Variants in RYR3 observed in about 807,000 individuals in gnomAD.
RYR3 encodes the protein brain ryanodine receptor-calcium release channel.
RYR3 carries 207 observed loss-of-function variants against 584.3 expected under a neutral mutation model. The ratio of observed to expected loss-of-function variants is 0.35; its 90% CI spans 0.32 to 0.40. The LOEUF (loss-of-function observed/expected upper bound fraction) is 0.40, where lower values mean the gene tolerates loss of function less well. Among genes scored for constraint, RYR3 ranks in the 10% least tolerant of loss-of-function variants. The probability of loss-of-function intolerance (pLI) is 1.00; values close to 1 mark genes in which losing one functional copy is unlikely to be tolerated. For synonymous variants in RYR3, 2,416 were observed against 2,248.5 expected (o/e 1.07, Z -2.11); for missense variants, 5,616 against 6,089.2 (o/e 0.92, Z 2.59).
chr15:33,814,996 G>A (rs575460858), intron 74 of RYR3, among the ~76,000 whole-genome samples: 1 of 151,436 alleles, frequency 6.6e-6, no homozygotes, highest in Admixed American at 6.6e-5. Flanking sequence ...CTTGAACCTG[G>A]GAGGCGGAGG....
At position 33,818,560 on chromosome 15, in the gene RYR3, CTG is replaced by C. The variant is rs1368552645; in HGVS notation, c.10600-14_10600-13del. On this transcript the variant is annotated splice_polypyrimidine_tract_variant and intron_variant, in intron 75 of 103. Coordinates refer to ENST00000634891, the MANE Select transcript of RYR3 (RefSeq NM_001036.6). ...GATTAAATTCATGCCTAAAACCTAT[CTG>C]TGTTGGTTTGTGTAGAAATCTCCAA... The C allele has an allele frequency of 3.8e-6, 6 of 1,579,906 alleles. No individual in the cohort carries two copies. The highest frequency in any genetic ancestry group is 5.2e-6 in the Non-Finnish European group (6 of 1,149,296).
chr15:33,748,366 TG>T lies in RYR3; in HGVS notation c.8137-98del, dbSNP rs887463678. The T allele has an allele frequency of 2.6e-5, 40 of 1,531,752 alleles. 1 individual carries two copies. The South Asian group carries it at 4.4e-4, about 17-fold the overall frequency. The allele number at this position is 1,531,752 out of a possible 1,614,324, so 94.9% of individuals were successfully genotyped here. A position where few individuals can be genotyped will look rare whatever the true frequency, so the allele number is the denominator to read the frequency against. On this transcript the variant is annotated intron_variant, in intron 54 of 103. Transcript: ENST00000634891. ...AGGTGGGACCATCTAAGATGAACCCTGGGGAGTTTTCAGGACACATTTTTGA... is the reference window on the plus strand; with the variant it reads ...AGGTGGGACCATCTAAGATGAACCCTGGGAGTTTTCAGGACACATTTTTGA...
chr15:33,798,940 A>C (rs1180623787), intron 67 of RYR3, among the ~76,000 whole-genome samples: 1 of 152,148 alleles, frequency 6.6e-6, no homozygotes, highest in Non-Finnish European at 1.5e-5. Flanking sequence ...GGTACAGGCT[A>C]CCCACAACAA....
At chr15:33,475,817 G>A (rs541924055) in intron 2 of RYR3, among the ~76,000 whole-genome samples, 12 of 152,268 alleles carry the variant, frequency 7.9e-5, no homozygotes, top group South Asian at 4.1e-4. Flanking sequence ...TTCGTAAATC[G>A]CCTAGTGCAT....
At chr15:33,811,090 A>G (rs1010979800) in intron 72 of RYR3, 53 bp downstream of exon 72, 76 of 1,468,476 alleles carry the variant, frequency 5.2e-5, no homozygotes, top group Non-Finnish European at 7.0e-5. Context: ...TTCTGGCTGC[A>G]GGGTTCCAGC....
At position 33,633,168 on chromosome 15, in the gene RYR3, G is replaced by A. The variant is rs576097058; in HGVS notation, c.3027+60G>A. 2.1e-5 allele frequency: 33 copies of A among 1,560,906 alleles called. No homozygotes were observed. In the East Asian group the frequency reaches 3.6e-4, roughly 17 times the overall value. The stretch of plus-strand genomic sequence containing the variant: ...TAGAAGATATGATCATCCACGTGCC[G>A]TTTTGCTTTGGTGTGTGTTAGATCA... On this transcript the variant is annotated intron_variant, in intron 24 of 103. Coordinates refer to ENST00000634891, the MANE Select transcript of RYR3 (RefSeq NM_001036.6).
intron 2 of RYR3, 97 bp from the exon 3 acceptor site, chr15:33,503,534 A>G (rs2052192485): frequency 1.4e-6 from 1 of 722,512 alleles, no homozygotes; most frequent in African/African-American, 1.8e-5. Flanking sequence ...TCCAACTGTC[A>G]TTTTGATTCA....
intron 12 of RYR3, 21 bp from the exon 13 acceptor site, chr15:33,579,955 T>G (rs770664898): frequency 1.9e-6 from 3 of 1,598,306 alleles, no homozygotes; most frequent in Non-Finnish European, 2.6e-6. Flanking sequence ...GCCTAAACCA[T>G]GTCAATCTCA....
chr15:33,699,333 T>A (rs547344662), intron 40 of RYR3, among the ~76,000 whole-genome samples: 11 of 144,978 alleles, frequency 7.6e-5, no homozygotes, highest in African/African-American at 2.6e-4. Context: ...CTCCTCACTT[T>A]CTCTCCTCTC....
chr15:33,809,612 CT>C (rs34554811), intron 70 of RYR3, among the ~76,000 whole-genome samples: 62,911 of 131,924 alleles, frequency 0.48, 14,739 homozygotes, highest in African/African-American at 0.51. Flanking sequence ...TCCTCTCTCT[CT>C]TTTTTTTTTT....
chr15:33,846,466 A>G (rs903781443), intron 93 of RYR3, among the ~76,000 whole-genome samples: 1 of 152,210 alleles, frequency 6.6e-6, no homozygotes, highest in Non-Finnish European at 1.5e-5. Context: ...GTTCTGCTAC[A>G]TCATAATTGT....
chr15:33,718,660 CAG>C (rs1397051368), intron 43 of RYR3, among the ~76,000 whole-genome samples: 1 of 152,170 alleles, frequency 6.6e-6, no homozygotes, highest in Non-Finnish European at 1.5e-5. Flanking sequence ...AGTTAGAACA[CAG>C]AGAGTGAGAA....
chr15:33,432,402 CTGTT>C (rs1256165987), intron 1 of RYR3, among the ~76,000 whole-genome samples: 1 of 151,856 alleles, frequency 6.6e-6, no homozygotes, highest in African/African-American at 2.4e-5. Flanking sequence ...GTAGCCTCAT[CTGTT>C]TGGGGAAAAT....
chr15:33,778,330 A>G (rs535325485), intron 64 of RYR3, among the ~76,000 whole-genome samples: 13 of 152,276 alleles, frequency 8.5e-5, no homozygotes, highest in African/African-American at 2.9e-4. Flanking sequence ...TTCACAAAGC[A>G]AGACTGAAGA....
At chr15:33,426,248 G>T (rs59414774) in intron 1 of RYR3, among the ~76,000 whole-genome samples, 2 of 152,154 alleles carry the variant, frequency 1.3e-5, no homozygotes, top group East Asian at 3.9e-4. Flanking sequence ...AAAATACTTT[G>T]ATTTCAATAC....
At chr15:33,317,832 CT>C (rs1169309350) in intron 1 of RYR3, among the ~76,000 whole-genome samples, 2 of 152,074 alleles carry the variant, frequency 1.3e-5, no homozygotes, top group Non-Finnish European at 2.9e-5. Context: ...GGCTATTGTC[CT>C]TTGAGGTGGG....
intron 3 of RYR3, among the ~76,000 whole-genome samples, chr15:33,528,134 G>GT (rs1259761944): frequency 9.2e-5 from 14 of 152,114 alleles, no homozygotes; most frequent in Non-Finnish European, 1.6e-4. Flanking sequence ...TGCAGTCAGG[G>GT]TTCCCTTTCT....
At chr15:33,597,939 T>C (rs2059456155) in intron 16 of RYR3, among the ~76,000 whole-genome samples, 1 of 151,790 alleles carries the variant, frequency 6.6e-6, no homozygotes, top group African/African-American at 2.4e-5. Flanking sequence ...ACTTTCAGAT[T>C]CTTGATAACC....
rs760902828 is a variant in RYR3 at position 33,722,758 on chromosome 15, C to T, written c.6663C>T (p.Leu2221=). ...ACGCCAGCGTTGTGGTCAAGCTGCT[C>T]ATCAGACGCCCAGAGTGCTTCGGCC... ...EENASVVVKL[L]IRRPECFGPA... is the part of the protein sequence containing the mutation. Residue 2221 remains leucine, a synonymous_variant, in exon 44 of 104, where the codon CTC becomes CTT. Transcript: ENST00000634891. 5.6e-6 allele frequency: 9 copies of T among 1,613,164 alleles called. No homozygotes were observed. The highest frequency in any genetic ancestry group is 5.3e-5 in the African/African-American group (4 of 74,876).
Sources: gnomAD v4.1 joint callset for allele counts (sites outside exome capture counted in the v4.1 genomes callset) on GRCh38, gnomAD v4.1.1 for gene constraint, MANE v1.5 for transcripts, NCBI Gene and HGNC (gene_info 2026-07-23, HGNC 2026-07-21) for gene names.